Variants in NCEH1 observed in about 807,000 individuals in gnomAD.
The protein encoded by NCEH1 is 2-acetyl MAGE hydrolase.
Under a neutral mutation model 25.4 loss-of-function variants are expected in NCEH1, and 9 were observed. The observed-to-expected ratio is 0.35, with a 90% CI of 0.21 to 0.62. The LOEUF (loss-of-function observed/expected upper bound fraction) is 0.62. NCEH1 is among the 20% of genes least tolerant of loss of function. NCEH1 has a pLI of 0.72. For missense variants in NCEH1, 412 were observed against 501.1 expected (o/e 0.82, Z 1.70); for synonymous variants, 200 against 199.8 (o/e 1.00, Z -0.01).
chr3:172,649,101 C>G (rs1014560054), intron 1 of NCEH1, among the ~76,000 whole-genome samples: 14 of 152,188 alleles, frequency 9.2e-5, no homozygotes, highest in African/African-American at 3.4e-4. Context: ...AGGCTGTGCA[C>G]AGCGTACGAC....
intron 1 of NCEH1, among the ~76,000 whole-genome samples, chr3:172,658,869 T>TA (rs1717833033): frequency 7.7e-6 from 1 of 129,698 alleles, no homozygotes; most frequent in South Asian, 2.5e-4. Flanking sequence ...TTTTTTTTTT[T>TA]ACTATCAACA....
intron 1 of NCEH1, among the ~76,000 whole-genome samples, chr3:172,686,374 G>A (rs1712693988): frequency 6.6e-6 from 1 of 152,198 alleles, no homozygotes; most frequent in South Asian, 2.1e-4. Context: ...ACTTCACCTG[G>A]TACTACACAT....
At chr3:172,701,466 T>TTTTTTTTTTTTTTA (rs1159407444) in intron 1 of NCEH1, among the ~76,000 whole-genome samples, 1 of 143,588 alleles carries the variant, frequency 7.0e-6, no homozygotes, top group African/African-American at 2.8e-5. Flanking sequence ...TTTTTTTTTT[T>TTTTTTTTTTTTTTA]AAAGACGGAG....
chr3:172,642,510 ATAATGTTGGCTGT>A (rs1716897983), intron 3 of NCEH1, among the ~76,000 whole-genome samples: 2 of 149,536 alleles, frequency 1.3e-5, no homozygotes, highest in African/African-American at 4.9e-5. Context: ...TCATGATCAT[ATAATGTTGGCTGT>A]ACCTCAACTA....
At chr3:172,700,456 G>C (rs1576782466) in intron 1 of NCEH1, among the ~76,000 whole-genome samples, 1 of 152,208 alleles carries the variant, frequency 6.6e-6, no homozygotes, top group African/African-American at 2.4e-5. Flanking sequence ...ATGAAACTAA[G>C]AGTCCATGAA....
intron 1 of NCEH1, chr3:172,681,065 T>G (rs1712345264): frequency 7.0e-6 from 1 of 142,300 alleles, no homozygotes; most frequent in South Asian, 2.2e-4. Context: ...AGTGGCGAAA[T>G]AGAGGGGATA....
intron 1 of NCEH1, among the ~76,000 whole-genome samples, chr3:172,700,504 C>A (rs1713619821): frequency 6.6e-6 from 1 of 152,112 alleles, no homozygotes; most frequent in Non-Finnish European, 1.5e-5. Context: ...CATAACTGAT[C>A]ACATGTTTAA....
At chr3:172,664,025 C>T (rs1009943590) in intron 1 of NCEH1, among the ~76,000 whole-genome samples, 5 of 152,108 alleles carry the variant, frequency 3.3e-5, no homozygotes, top group African/African-American at 9.7e-5. Flanking sequence ...TTATTTTGCT[C>T]GTTAGTTGAT....
At chr3:172,657,252 GATCT>G (rs200306191) in intron 1 of NCEH1, among the ~76,000 whole-genome samples, 2,307 of 152,176 alleles carry the variant, frequency 0.015, 57 homozygotes, top group African/African-American at 0.053. Context: ...TCTAGTCCTT[GATCT>G]ATCTTTCTCA....
At chr3:172,664,151 C>CTACT (rs1311428810) in intron 1 of NCEH1, among the ~76,000 whole-genome samples, 1 of 152,162 alleles carries the variant, frequency 6.6e-6, no homozygotes, top group Non-Finnish European at 1.5e-5. Context: ...TAAGGCAGGC[C>CTACT]TACTGGTGAC....
chr3:172,703,854 G>T (rs527548134), intron 1 of NCEH1, among the ~76,000 whole-genome samples: 2 of 152,304 alleles, frequency 1.3e-5, no homozygotes, highest in South Asian at 4.1e-4. Context: ...AACTCAGGTT[G>T]TTCACCTGTC....
Position 172,672,160 on chromosome 3 carries a change from A to G in NCEH1, c.139-24046T>C, listed in dbSNP as rs189702503. Among the ~76,000 whole-genome samples, 527 of 152,328 alleles carry G rather than the reference A, an allele frequency of 3.5e-3. 3 individuals carry two copies. Among genetic ancestry groups the G allele is most frequent in the Non-Finnish European group, 5.6e-3 (381 of 68,028 alleles). On this transcript the variant is annotated intron_variant, in intron 1 of 4. Transcript: ENST00000475381. ...TTTAGATATACAAATACTTACCATTACATTGTAATTGCCTACAGTGCTGAG... is the reference window on the plus strand; with the variant it reads ...TTTAGATATACAAATACTTACCATTGCATTGTAATTGCCTACAGTGCTGAG...
intron 1 of NCEH1, among the ~76,000 whole-genome samples, chr3:172,686,772 C>T (rs980340893): frequency 3.9e-5 from 6 of 152,266 alleles, no homozygotes; most frequent in South Asian, 4.1e-4. Context: ...TGCATTTTCT[C>T]CTAACTTCAT....
chr3:172,703,288 G>C (rs991964770), intron 1 of NCEH1: 1 of 152,072 alleles, frequency 6.6e-6, no homozygotes, highest in African/African-American at 2.4e-5. Context: ...ACTTTAGAAG[G>C]CCAAGGCGGG....
rs75681181 is a variant in NCEH1, at chr3:172,653,764, T to G, written c.139-5650A>C. ...TTTTTGTTTTTTTGTTTTTTTGTTT[T>G]TTTTTTTTTTTGAGACAGAGTCTCC... is the stretch of plus-strand genomic sequence containing the variant. On this transcript the variant is annotated intron_variant, in intron 1 of 4. Transcript: ENST00000475381. Among the ~76,000 whole-genome samples the G allele has an allele frequency of 9.3e-4, 45 of 48,176 alleles. 1 individual carries two copies. Among genetic ancestry groups the G allele is most frequent in the Admixed American group, 9.0e-3 (33 of 3,650 alleles). 31.6% of individuals were successfully genotyped at this position (48,176 alleles called of 152,430 possible).
At chr3:172,675,838 C>CT (rs762166496) in intron 1 of NCEH1, among the ~76,000 whole-genome samples, 11 of 152,256 alleles carry the variant, frequency 7.2e-5, no homozygotes, top group Non-Finnish European at 1.2e-4. Flanking sequence ...GTACCAAACT[C>CT]TAAGTCAGTT....
At chr3:172,655,862 A>G (rs1200973889) in intron 1 of NCEH1, among the ~76,000 whole-genome samples, 1 of 152,236 alleles carries the variant, frequency 6.6e-6, no homozygotes, top group East Asian at 1.9e-4. Flanking sequence ...CCTCACTTAA[A>G]GAGCTGGTGA....
At chr3:172,692,305 G>A (rs979749806) in intron 1 of NCEH1, among the ~76,000 whole-genome samples, 8 of 152,076 alleles carry the variant, frequency 5.3e-5, no homozygotes, top group Non-Finnish European at 8.8e-5. Flanking sequence ...TTGGCCACCA[G>A]GAGTTAAATG....
intron 1 of NCEH1, among the ~76,000 whole-genome samples, chr3:172,661,813 C>T (rs9836594): frequency 0.34 from 51,179 of 151,876 alleles, 8,804 homozygotes; most frequent in South Asian, 0.38. Context: ...GATTTTTGCA[C>T]ATTGATTTTG....
Sources: allele counts gnomAD v4.1 joint callset (sites outside exome capture counted in the v4.1 genomes callset), GRCh38; gene constraint gnomAD v4.1.1; transcripts MANE v1.5; gene names NCBI Gene and HGNC (gene_info 2026-07-23, HGNC 2026-07-21).